The following GPR26 variants were observed in gnomAD, a reference collection of about 807,000 sequenced individuals.
GPR26 encodes G protein-coupled receptor 26.
In GPR26, 15 loss-of-function variants were observed where a neutral mutation model predicts 23.1. That is an observed-to-expected ratio of 0.65 (90% CI 0.43 to 1.00). The LOEUF is 1.00. Among genes scored for constraint, GPR26 ranks in the 50% least tolerant of loss-of-function variants. The probability of loss-of-function intolerance (pLI) is 0.00; values close to 1 mark genes in which losing one functional copy is unlikely to be tolerated. For synonymous variants in GPR26, 228 were observed against 222.1 expected (o/e 1.03, Z -0.24); for missense variants, 359 against 470.5 (o/e 0.76, Z 2.19).
At chr10:123,669,972 AGCC>A (rs1845232408) in intron 1 of GPR26, among the ~76,000 whole-genome samples, 1 of 152,216 alleles carries the variant, frequency 6.6e-6, no homozygotes, top group East Asian at 1.9e-4. Context: ...AGTTATAGGC[AGCC>A]CCTCTCCCTG....
chr10:123,691,661 G>A lies in GPR26; in HGVS notation c.*3501G>A, dbSNP rs1845491766. On this transcript the variant is annotated 3_prime_UTR_variant, in exon 3 of 3. Coordinates refer to ENST00000284674, the MANE Select transcript of GPR26 (RefSeq NM_153442.4). ...TCCCTTGGGTCAGCTCCTATCCTCTGGACGGGGAGCATCATGGGAAAAAGA... is the reference window on the plus strand; with the variant it reads ...TCCCTTGGGTCAGCTCCTATCCTCTAGACGGGGAGCATCATGGGAAAAAGA... The A allele has an allele frequency of 6.6e-6, 1 of 152,208 alleles. No homozygotes were observed. The highest frequency in any genetic ancestry group is 6.5e-5 in the Admixed American group (1 of 15,284). The allele number at this position is 152,208 out of a possible 1,614,324, so 9.4% of individuals were successfully genotyped here.
Position 123,689,363 on chromosome 10 carries a change from A to T in GPR26, c.*1203A>T, listed in dbSNP as rs1401480995. On this transcript the variant is annotated 3_prime_UTR_variant, in exon 3 of 3. Coordinates refer to ENST00000284674, the MANE Select transcript of GPR26 (RefSeq NM_153442.4). ...GCCTTCCAGGTTCAAGTGATTAGAG[A>T]CAGTGAAATTTTTATGGAATACTGC... 1 of 151,966 alleles carries T rather than the reference A, an allele frequency of 6.6e-6. No individual in the cohort carries two copies. Among genetic ancestry groups the T allele is most frequent in the Non-Finnish European group, 1.5e-5 (1 of 68,016 alleles). 9.4% of individuals were successfully genotyped at this position (151,966 alleles called of 1,614,324 possible).
intron 1 of GPR26, among the ~76,000 whole-genome samples, chr10:123,667,560 A>AGTGTGTGTGT (rs1564729033): frequency 1.3e-5 from 1 of 75,498 alleles, no homozygotes; most frequent in Non-Finnish European, 2.7e-5. Context: ...CTGTCTCACG[A>AGTGTGTGTGT]CTGTGTGTGT....
In GPR26 at chr10:123,674,515, G is replaced by A. The variant is rs1845285199; in HGVS notation, c.669-303G>A. ...GCTTCACACATGGAATGCATTCCAT[G>A]CATCTCTGTGCTTTATGCATTTAAT... On this transcript the variant is annotated intron_variant, in intron 1 of 2. Transcript: ENST00000284674. This position sits in a 1 kb window ranked among gnomAD's most constrained non-coding sequence, Gnocchi z 4.1. Among the ~76,000 whole-genome samples the A allele has an allele frequency of 6.6e-6, 1 of 152,202 alleles. No individual in the cohort carries two copies. Among genetic ancestry groups the A allele is most frequent in the South Asian group, 2.1e-4 (1 of 4,830 alleles).
In GPR26 at chr10:123,691,709, T is replaced by C. The variant is rs1242167646; in HGVS notation, c.*3549T>C. ...AGAGGTCCGAGTCATATTTAGGGCT[T>C]CATGTGTCTGGAAGGGAGCCATTAG... On this transcript the variant is annotated 3_prime_UTR_variant, in exon 3 of 3. Coordinates refer to ENST00000284674, the MANE Select transcript of GPR26 (RefSeq NM_153442.4). 1 of 152,200 alleles carries C rather than the reference T, an allele frequency of 6.6e-6. No homozygotes were observed. Among genetic ancestry groups the C allele is most frequent in the Non-Finnish European group, 1.5e-5 (1 of 68,036 alleles). 9.4% of individuals were successfully genotyped at this position (152,200 alleles called of 1,614,324 possible). A position where few individuals can be genotyped will look rare whatever the true frequency, so the allele number is the denominator to read the frequency against.
chr10:123,680,809 TGTTTTG>T (rs1564732091), intron 2 of GPR26, among the ~76,000 whole-genome samples: 2 of 28,490 alleles, frequency 7.0e-5, no homozygotes, highest in East Asian at 3.1e-3. Flanking sequence ...GGGTTTTTTT[TGTTTTG>T]TTTTGTTTTT....
At position 123,674,548 on chromosome 10, in the gene GPR26, A is replaced by G. The variant is rs1338053453; in HGVS notation, c.669-270A>G. On this transcript the variant is annotated intron_variant, in intron 1 of 2. Transcript: ENST00000284674. This position sits in a 1 kb window ranked among gnomAD's most constrained non-coding sequence, Gnocchi z 4.1. The stretch of plus-strand genomic sequence containing the variant: ...GTGCTTTATGCATTTAATTCTCAAA[A>G]CAGCCTCTTGTAGCATTTTATTACA... Among the ~76,000 whole-genome samples the G allele has an allele frequency of 2.6e-5, 4 of 152,220 alleles. No individual in the cohort carries two copies. The highest frequency in any genetic ancestry group is 9.7e-5 in the African/African-American group (4 of 41,440).
At chr10:123,682,737 C>T (rs2133929353) in intron 2 of GPR26, among the ~76,000 whole-genome samples, 1 of 152,322 alleles carries the variant, frequency 6.6e-6, no homozygotes, top group East Asian at 1.9e-4. Flanking sequence ...TGTGGCTTTT[C>T]AAAGTCAGGA....
chr10:123,675,695 A>G (rs1845296847), intron 2 of GPR26, among the ~76,000 whole-genome samples: 1 of 152,088 alleles, frequency 6.6e-6, no homozygotes, highest in Non-Finnish European at 1.5e-5. Flanking sequence ...AAGGGGCTTA[A>G]CTAGTTGAGA....
intron 2 of GPR26, among the ~76,000 whole-genome samples, chr10:123,675,222 C>T (rs898493200): frequency 1.3e-5 from 2 of 152,052 alleles, no homozygotes; most frequent in Admixed American, 6.6e-5. Context: ...CCCAGGAGGC[C>T]CTAAAGAGAA....
intron 1 of GPR26, among the ~76,000 whole-genome samples, chr10:123,667,804 G>A (rs374078770): frequency 2.0e-4 from 30 of 152,256 alleles, no homozygotes; most frequent in African/African-American, 6.5e-4. Context: ...GCTGTTCTCA[G>A]GAGGGCAGAT....
Position 123,692,663 on chromosome 10 carries a change from GAA to G in GPR26, c.*4505_*4506del, listed in dbSNP as rs1845501444. ...AGTTTGCGCTTGCAGGTTCAGGGGAGAAAGTTGTTTGAGATCAGGGTTTAGGG... is the reference window on the plus strand; with the variant it reads ...AGTTTGCGCTTGCAGGTTCAGGGGAGAGTTGTTTGAGATCAGGGTTTAGGG... On this transcript the variant is annotated 3_prime_UTR_variant, in exon 3 of 3. Transcript: ENST00000284674. 1 of 152,302 alleles carries G rather than the reference GAA, an allele frequency of 6.6e-6. No individual in the cohort carries two copies. Among genetic ancestry groups the G allele is most frequent in the African/African-American group, 2.4e-5 (1 of 41,464 alleles). The allele number at this position is 152,302 out of a possible 1,614,324, so 9.4% of individuals were successfully genotyped here.
intron 1 of GPR26, among the ~76,000 whole-genome samples, chr10:123,667,542 C>T (rs926440966): frequency 7.5e-5 from 11 of 147,380 alleles, no homozygotes; most frequent in Admixed American, 2.7e-4. Context: ...GGGTGTGTGG[C>T]GCTGCCTCTG....
Position 123,669,489 on chromosome 10 carries a change from C to T in GPR26, c.668+2414C>T, listed in dbSNP as rs918063059. Among the ~76,000 whole-genome samples the T allele has an allele frequency of 8.5e-5, 13 of 152,160 alleles. 1 individual carries two copies. In the South Asian group the frequency reaches 1.2e-3, roughly 15 times the overall value. Reference sequence around the variant, plus strand: ...AGGCAGTGAGCCTCTCAGGGCCATTCGGTGCTGAGAGCCTGTAGGACCCAG... The same window carrying T: ...AGGCAGTGAGCCTCTCAGGGCCATTTGGTGCTGAGAGCCTGTAGGACCCAG... On this transcript the variant is annotated intron_variant, in intron 1 of 2. Coordinates refer to ENST00000284674, the MANE Select transcript of GPR26 (RefSeq NM_153442.4).
At chr10:123,672,358 G>C (rs1209915686) in intron 1 of GPR26, among the ~76,000 whole-genome samples, 1 of 152,190 alleles carries the variant, frequency 6.6e-6, no homozygotes, top group African/African-American at 2.4e-5. Flanking sequence ...TCCCAAAGCA[G>C]AGGCATGACC....
At chr10:123,670,069 A>G (rs1200926655) in intron 1 of GPR26, among the ~76,000 whole-genome samples, 3 of 152,162 alleles carry the variant, frequency 2.0e-5, no homozygotes, top group Admixed American at 2.0e-4. Flanking sequence ...GGCTTGGCTT[A>G]GTGATTCAAC....
intron 2 of GPR26, among the ~76,000 whole-genome samples, chr10:123,681,674 C>T (rs553600925): frequency 3.9e-5 from 6 of 152,304 alleles, no homozygotes; most frequent in Non-Finnish European, 5.9e-5. Context: ...ACTGGCTGGG[C>T]GGGGGATTCC....
In GPR26 at chr10:123,674,115, G is replaced by A. The variant is rs1022588240; in HGVS notation, c.669-703G>A. Among the ~76,000 whole-genome samples the A allele has an allele frequency of 1.1e-4, 17 of 152,058 alleles. No homozygotes were observed. Among genetic ancestry groups the A allele is most frequent in the African/African-American group, 3.4e-4 (14 of 41,394 alleles). ...TGGGATTACAGGAGCCCACCACCAC[G>A]CATGGCTAATTTTTGTATTTTTGGT... On this transcript the variant is annotated intron_variant, in intron 1 of 2. Coordinates refer to ENST00000284674, the MANE Select transcript of GPR26 (RefSeq NM_153442.4). The surrounding 1 kb of genome is among the most constrained non-coding windows in gnomAD (Gnocchi z 4.1).
intron 2 of GPR26, among the ~76,000 whole-genome samples, chr10:123,680,964 C>G (rs535871179): frequency 1.3e-5 from 2 of 151,958 alleles, no homozygotes; most frequent in Admixed American, 6.6e-5. Context: ...CTCAGCCACC[C>G]GAGTAGCTGG....
Sources: allele counts gnomAD v4.1 joint callset (sites outside exome capture counted in the v4.1 genomes callset), GRCh38; gene constraint gnomAD v4.1.1; non-coding constraint Gnocchi (gnomAD v3.1); transcripts MANE v1.5; gene names NCBI Gene and HGNC (gene_info 2026-07-23, HGNC 2026-07-21).